Variants in ANKRD36C observed in about 807,000 individuals in gnomAD.
The protein encoded by ANKRD36C is ankyrin repeat domain-containing protein 36C.
Under a neutral mutation model 276.4 loss-of-function variants are expected in ANKRD36C, and 61 were observed. The ratio of observed to expected loss-of-function variants is 0.22; its 90% confidence interval spans 0.18 to 0.27. The LOEUF (loss-of-function observed/expected upper bound fraction) is 0.27, where lower values mean the gene tolerates loss of function less well. ANKRD36C is among the 10% of genes least tolerant of loss of function. The probability of loss-of-function intolerance (pLI) is 1.00; values close to 1 mark genes in which losing one functional copy is unlikely to be tolerated. For synonymous variants in ANKRD36C, 483 were observed against 680.1 expected (o/e 0.71, Z 4.51); for missense variants, 1,447 against 2,032.3 (o/e 0.71, Z 5.54).
chr2:95,941,308 T>C, intron 19 of ANKRD36C, 109 bp from the exon 20 acceptor site: 1 of 1,213,000 alleles, frequency 8.2e-7, no homozygotes, highest in Non-Finnish European at 1.0e-6. Context: ...AGGTCTATAC[T>C]GGAAAATCTG....
At chr2:95,982,196 C>T in intron 4 of ANKRD36C, 60 bp downstream of exon 4, 1 of 1,318,700 alleles carries the variant, frequency 7.6e-7, no homozygotes, top group Non-Finnish European at 1.0e-6. Flanking sequence ...TCAGTGACCG[C>T]TACCACTCTA....
intron 59 of ANKRD36C, among the ~76,000 whole-genome samples, chr2:95,874,298 C>A (rs560358152): frequency 5.4e-4 from 82 of 152,254 alleles, no homozygotes; most frequent in African/African-American, 1.9e-3. Context: ...GCTACAGTAA[C>A]CAAAACAGCA....
At chr2:95,871,503 G>C (rs955376971) in intron 59 of ANKRD36C, among the ~76,000 whole-genome samples, 2 of 151,894 alleles carry the variant, frequency 1.3e-5, no homozygotes, top group Non-Finnish European at 2.9e-5. Context: ...CCCTAAAAGA[G>C]CTCCTGAAGG....
chr2:95,921,705 T>G (rs1372205972), intron 33 of ANKRD36C, 26 bp from the exon 34 acceptor site: 5 of 1,580,768 alleles, frequency 3.2e-6, no homozygotes, highest in Non-Finnish European at 4.3e-6. Flanking sequence ...AAGAAAATAA[T>G]AAATAAATAA....
intron 60 of ANKRD36C, among the ~76,000 whole-genome samples, chr2:95,861,172 A>G (rs1016040212): frequency 4.6e-5 from 7 of 152,104 alleles, no homozygotes; most frequent in Admixed American, 3.3e-4. Context: ...ACTCAAGATA[A>G]TAAGTGGAGG....
intron 44 of ANKRD36C, among the ~76,000 whole-genome samples, chr2:95,892,209 G>A (rs191406789): frequency 6.6e-6 from 1 of 151,468 alleles, no homozygotes; most frequent in African/African-American, 2.4e-5. Context: ...GTCAAAGCAG[G>A]TGCTACATGA....
At position 95,902,196 on chromosome 2, in the gene ANKRD36C, A is replaced by C. The variant is rs922683820; in HGVS notation, c.2654-2860T>G. 2.3e-4 allele frequency among the ~76,000 whole-genome samples: 35 copies of C among 149,644 alleles called. 1 individual carries two copies. Among genetic ancestry groups the C allele is most frequent in the Non-Finnish European group, 4.6e-4 (31 of 67,024 alleles). ...CATTTTTATAACTAAAATCAACAAA[A>C]CATGTATCTCTGATGCCTCCTAGTA... is the stretch of plus-strand genomic sequence containing the variant. On this transcript the variant is annotated intron_variant, in intron 42 of 66. Coordinates refer to ENST00000456556, the Ensembl canonical transcript of ANKRD36C.
intron 19 of ANKRD36C, among the ~76,000 whole-genome samples, 192 bp from the exon 20 acceptor site, chr2:95,941,391 AAAGACAC>A (rs1677888156): frequency 6.6e-6 from 1 of 152,292 alleles, no homozygotes; most frequent in South Asian, 2.1e-4. Flanking sequence ...ACAAAAGCAG[AAAGACAC>A]AATTCATTAT....
intron 17 of ANKRD36C, 118 bp downstream of exon 17, chr2:95,948,412 A>G: frequency 1.9e-6 from 2 of 1,072,686 alleles, no homozygotes; most frequent in Non-Finnish European, 2.5e-6. Context: ...ATCTCTAATA[A>G]AAGTTTTAAT....
chr2:95,894,793 TG>T (rs956223899), intron 44 of ANKRD36C, among the ~76,000 whole-genome samples: 1 of 151,358 alleles, frequency 6.6e-6, no homozygotes, highest in Non-Finnish European at 1.5e-5. Context: ...AAATGTTTCC[TG>T]CTTCCAGAAA....
At chr2:95,986,457 G>A (rs1311921917) in intron 3 of ANKRD36C, among the ~76,000 whole-genome samples, 1 of 152,118 alleles carries the variant, frequency 6.6e-6, no homozygotes, top group Non-Finnish European at 1.5e-5. Context: ...TAATTTAGTG[G>A]AAAAACACTT....
chr2:95,891,307 A>C lies in ANKRD36C; in HGVS notation c.2857+358T>G, dbSNP rs186055523. On this transcript the variant is annotated intron_variant, in intron 46 of 66. Coordinates refer to ENST00000456556, the Ensembl canonical transcript of ANKRD36C. ...AACAAGCTTTCTGTCTTTTCTTGGC[A>C]GTACAATCTGAAGTGTGTAAATTCT... 2.6e-3 allele frequency among the ~76,000 whole-genome samples: 388 copies of C among 151,580 alleles called. 3 individuals are homozygous for C. The highest frequency in any genetic ancestry group is 6.8e-3 in the Middle Eastern group (2 of 294).
At chr2:95,941,453 A>C (rs912971302) in intron 19 of ANKRD36C, among the ~76,000 whole-genome samples, 3 of 152,294 alleles carry the variant, frequency 2.0e-5, no homozygotes, top group Admixed American at 6.5e-5. Flanking sequence ...CACAAAGGCA[A>C]TAACACTTAT....
chr2:95,906,387 T>C (rs3927325), intron 42 of ANKRD36C, among the ~76,000 whole-genome samples: 1,545 of 119,436 alleles, frequency 0.013, 40 homozygotes, highest in African/African-American at 0.026. Flanking sequence ...GAGCCCCTTA[T>C]GTCTTCAACT....
intron 58 of ANKRD36C, among the ~76,000 whole-genome samples, chr2:95,879,811 C>T (rs1217396451): frequency 2.7e-5 from 4 of 149,224 alleles, no homozygotes; most frequent in Non-Finnish European, 4.5e-5. Context: ...CTCTTTAATT[C>T]GCTAAAAACT....
chr2:95,859,957 G>A (rs1675524766), exon 61 of ANKRD36C: 2 of 1,550,148 alleles, frequency 1.3e-6, no homozygotes, highest in Non-Finnish European at 1.7e-6. Flanking sequence ...TAGTACACTA[G>A]CCTTATTTTT....
At chr2:95,856,912 CAA>C (rs1249532254) in intron 62 of ANKRD36C, among the ~76,000 whole-genome samples, 1 of 151,894 alleles carries the variant, frequency 6.6e-6, no homozygotes, top group Admixed American at 6.6e-5. Context: ...TTCAAGACAC[CAA>C]AAGTCAAGAA....
At chr2:95,890,488 T>G (rs1676316942) in intron 46 of ANKRD36C, among the ~76,000 whole-genome samples, 1 of 151,500 alleles carries the variant, frequency 6.6e-6, no homozygotes, top group African/African-American at 2.4e-5. Flanking sequence ...ACTTCACATC[T>G]CCTCAGTGGA....
intron 50 of ANKRD36C, among the ~76,000 whole-genome samples, chr2:95,887,295 A>G (rs1232891828): frequency 6.6e-6 from 1 of 151,470 alleles, no homozygotes; most frequent in Non-Finnish European, 1.5e-5. Flanking sequence ...GTTTATCCCA[A>G]TTCTAGCATT....
Sources: gnomAD v4.1 joint callset for allele counts (sites outside exome capture counted in the v4.1 genomes callset) on GRCh38, gnomAD v4.1.1 for gene constraint, MANE v1.5 for transcripts, NCBI Gene and HGNC (gene_info 2026-07-23, HGNC 2026-07-21) for gene names.